ANKRD30BL: variants seen among roughly 807,000 people sequenced by gnomAD.
ANKRD30BL encodes the protein ankyrin repeat domain 30B like.
A neutral mutation model predicts 18.4 loss-of-function variants in ANKRD30BL; 20 were observed. That is an observed-to-expected ratio of 1.09 (90% CI 0.77 to 1.58). The LOEUF (loss-of-function observed/expected upper bound fraction) is 1.58, where lower values mean the gene tolerates loss of function less well. Ranked by LOEUF, ANKRD30BL falls within the 40% of genes most tolerant of loss-of-function variation. ANKRD30BL has a pLI of 0.00. For synonymous variants in ANKRD30BL, 72 were observed against 100.9 expected, an observed-to-expected ratio of 0.71 and a Z score of 1.72; for missense variants, 224 against 268.6, an observed-to-expected ratio of 0.83 and a Z score of 1.16.
At chr2:132,235,335 C>A (rs1362267176) in intron 1 of ANKRD30BL, among the ~76,000 whole-genome samples, 1 of 152,098 alleles carries the variant, frequency 6.6e-6, no homozygotes, top group Non-Finnish European at 1.5e-5. Context: ...AAGTTCTGAC[C>A]AGGGCAACTA....
intron 1 of ANKRD30BL, among the ~76,000 whole-genome samples, chr2:132,204,430 T>G (rs1318209974): frequency 2.6e-5 from 4 of 151,416 alleles, no homozygotes; most frequent in African/African-American, 4.8e-5. Flanking sequence ...AGCATGTCTA[T>G]ACTTATACTA....
intron 1 of ANKRD30BL, among the ~76,000 whole-genome samples, chr2:132,203,258 A>G (rs1679144576): frequency 6.6e-6 from 1 of 152,292 alleles, no homozygotes. Context: ...ATTGGTTCTA[A>G]CTTTCAAATC....
chr2:132,164,439 C>T (rs1278222149), upstream of ANKRD30BL, among the ~76,000 whole-genome samples: 122 of 151,866 alleles, frequency 8.0e-4, no homozygotes, highest in African/African-American at 2.8e-3. Context: ...TACAGGCACC[C>T]GCCATCATGC....
intron 1 of ANKRD30BL, among the ~76,000 whole-genome samples, chr2:132,227,946 T>C (rs1679892420): frequency 6.6e-6 from 1 of 152,142 alleles, no homozygotes. Flanking sequence ...ACAGAAGCAA[T>C]GTGAGAAACT....
At chr2:132,171,039 C>A (rs2104941000) in intron 1 of ANKRD30BL, among the ~76,000 whole-genome samples, 1 of 151,964 alleles carries the variant, frequency 6.6e-6, no homozygotes, top group East Asian at 2.0e-4. Flanking sequence ...GCCTGTAGTC[C>A]CAGCTACTCC....
chr2:132,205,597 G>A lies in ANKRD30BL; in HGVS notation n.442-48451C>T, dbSNP rs62164403. On this transcript the variant is annotated intron_variant and non_coding_transcript_variant, in intron 1 of 4. Coordinates refer to the ANKRD30BL transcript ENST00000470729. ...GCCTGGGTGAAAAGAGGGAAACTTCGTCTCAAAAAAAAAAAAGAAAAAAGA... is the reference window on the plus strand; with the variant it reads ...GCCTGGGTGAAAAGAGGGAAACTTCATCTCAAAAAAAAAAAAGAAAAAAGA... Among the ~76,000 whole-genome samples, 23 of 133,900 alleles carry A rather than the reference G, an allele frequency of 1.7e-4. No individual in the cohort carries two copies. The East Asian group carries it at 2.6e-3, about 15-fold the overall frequency. The allele number at this position is 133,900 out of a possible 152,430, so 87.8% of individuals were successfully genotyped here. A position where few individuals can be genotyped will look rare whatever the true frequency, so the allele number is the denominator to read the frequency against.
Position 132,147,825 on chromosome 2 carries a change from C to T in ANKRD30BL, c.*306G>A, listed in dbSNP as rs574109597. 87 of 332,114 alleles carry T rather than the reference C, an allele frequency of 2.6e-4. 2 individuals carry two copies. In the Admixed American group the frequency reaches 2.8e-3, roughly 11 times the overall value. The allele number at this position is 332,114 out of a possible 1,614,324, so 20.6% of individuals were successfully genotyped here. A position where few individuals can be genotyped will look rare whatever the true frequency, so the allele number is the denominator to read the frequency against. Reference sequence around the variant, plus strand: ...GGAGTGGCAGGGTGAGTAGTTTCAGCGGGAAAGACAGTTACAGAGCAGGTG... The same window carrying T: ...GGAGTGGCAGGGTGAGTAGTTTCAGTGGGAAAGACAGTTACAGAGCAGGTG... On this transcript the variant is annotated 3_prime_UTR_variant, in exon 6 of 6. Coordinates refer to ENST00000409867, the MANE Select transcript of ANKRD30BL (RefSeq NM_001358416.1).
intron 3 of ANKRD30BL, chr2:132,155,871 C>A (rs1203096797): frequency 1.3e-5 from 2 of 148,188 alleles, no homozygotes; most frequent in Non-Finnish European, 3.0e-5. Context: ...TGCACTCCAG[C>A]CTGGTGACAG....
chr2:132,184,885 C>T (rs145025438), intron 1 of ANKRD30BL, among the ~76,000 whole-genome samples: 10,022 of 151,774 alleles, frequency 0.066, 1,093 homozygotes, highest in African/African-American at 0.23. Context: ...GCAATCTCAG[C>T]TCATGCAATT....
At chr2:132,191,714 T>C (rs1036398506) in intron 1 of ANKRD30BL, among the ~76,000 whole-genome samples, 1 of 152,018 alleles carries the variant, frequency 6.6e-6, no homozygotes, top group African/African-American at 2.4e-5. Context: ...ATTGTGTTGT[T>C]TGACTTCTCA....
intron 1 of ANKRD30BL, among the ~76,000 whole-genome samples, chr2:132,254,321 G>A (rs79553669): frequency 4.6e-5 from 7 of 152,278 alleles, no homozygotes; most frequent in South Asian, 4.1e-4. Flanking sequence ...ACATGGCGGC[G>A]TCTCCGTGGC....
At chr2:132,185,311 C>T (rs1474851699) in intron 1 of ANKRD30BL, among the ~76,000 whole-genome samples, 1 of 152,174 alleles carries the variant, frequency 6.6e-6, no homozygotes, top group Non-Finnish European at 1.5e-5. Flanking sequence ...TTCTCACCAC[C>T]AGAGAGAAGA....
intron 1 of ANKRD30BL, among the ~76,000 whole-genome samples, chr2:132,218,059 T>C (rs1166553848): frequency 1.3e-5 from 2 of 151,812 alleles, no homozygotes. Context: ...CCTCTTTTTG[T>C]AGAATCTGCA....
intron 1 of ANKRD30BL, among the ~76,000 whole-genome samples, chr2:132,232,347 C>T (rs573936283): frequency 1.3e-4 from 20 of 152,262 alleles, no homozygotes; most frequent in African/African-American, 3.1e-4. Flanking sequence ...ATGACTTTGA[C>T]GAGCTGAGAG....
intron 1 of ANKRD30BL, among the ~76,000 whole-genome samples, chr2:132,222,437 G>A (rs1233550586): frequency 6.6e-5 from 10 of 152,028 alleles, no homozygotes; most frequent in Admixed American, 1.3e-4. Context: ...GATGGTTGCC[G>A]GGTCTGTGTG....
At chr2:132,251,226 T>C (rs1239727761) in intron 1 of ANKRD30BL, among the ~76,000 whole-genome samples, 4 of 152,188 alleles carry the variant, frequency 2.6e-5, no homozygotes, top group Non-Finnish European at 5.9e-5. Flanking sequence ...AGTGGTGACA[T>C]CTCGCATAGC....
chr2:132,237,220 A>T (rs960544961), intron 1 of ANKRD30BL, among the ~76,000 whole-genome samples: 10 of 152,192 alleles, frequency 6.6e-5, no homozygotes, highest in Middle Eastern at 3.4e-3. Flanking sequence ...GCGCAAGTAT[A>T]CATATGTAAC....
At chr2:132,197,755 G>A (rs1393000273) in intron 1 of ANKRD30BL, among the ~76,000 whole-genome samples, 3 of 151,576 alleles carry the variant, frequency 2.0e-5, no homozygotes, top group Non-Finnish European at 2.9e-5. Context: ...ATAACTTTTT[G>A]TTGACCTTTA....
At chr2:132,234,728 T>C (rs1235316853) in intron 1 of ANKRD30BL, among the ~76,000 whole-genome samples, 1 of 152,078 alleles carries the variant, frequency 6.6e-6, no homozygotes, top group African/African-American at 2.4e-5. Context: ...CAGGACCAGA[T>C]GGATTCACAG....
Sources: gnomAD v4.1 joint callset for allele counts (sites outside exome capture counted in the v4.1 genomes callset) on GRCh38, gnomAD v4.1.1 for gene constraint, MANE v1.5 for transcripts, NCBI Gene and HGNC (gene_info 2026-07-23, HGNC 2026-07-21) for gene names.